The following NCAM1 variants were observed in gnomAD, a reference collection of about 807,000 sequenced individuals.
NCAM1 encodes neural cell adhesion molecule 1.
In NCAM1, 14 loss-of-function variants were observed where a neutral mutation model predicts 109.8. The observed-to-expected ratio is 0.13, with a 90% CI of 0.08 to 0.20. The LOEUF is 0.20. Ranked by LOEUF, NCAM1 falls within the 10% of genes least tolerant of loss-of-function variation. The probability of loss-of-function intolerance (pLI) is 1.00; values close to 1 mark genes in which losing one functional copy is unlikely to be tolerated. For missense variants in NCAM1, 774 were observed against 1,109.9 expected, an observed-to-expected ratio of 0.70 and a Z score of 4.30; for synonymous variants, 418 against 442.9, an observed-to-expected ratio of 0.94 and a Z score of 0.70.
At position 112,962,340 on chromosome 11, in the gene NCAM1, C is replaced by T. The variant is rs1555063486; in HGVS notation, c.52+676C>T. On this transcript the variant is annotated intron_variant, in intron 1 of 19. Transcript: ENST00000316851. This position sits in a 1 kb window ranked among gnomAD's most constrained non-coding sequence, Gnocchi z 5.6. ...GTTAGTTGCAAAGCCTACCCTCGGC[C>T]GCGAGCACTGAAGGATGGGAGGGTC... 6.6e-6 allele frequency among the ~76,000 whole-genome samples: 1 copy of T among 152,108 alleles called. No individual in the cohort carries two copies. The highest frequency in any genetic ancestry group is 3.2e-3 in the Middle Eastern group (1 of 316).
chr11:113,244,474 A>T (rs1945437270), intron 14 of NCAM1, among the ~76,000 whole-genome samples: 1 of 152,216 alleles, frequency 6.6e-6, no homozygotes, highest in African/African-American at 2.4e-5. Context: ...GATGCTCACA[A>T]TTGGGCAGCA....
chr11:113,185,068 T>TTATATTTATATATATATA (rs1555108652), intron 1 of NCAM1, among the ~76,000 whole-genome samples: 8 of 99,636 alleles, frequency 8.0e-5, no homozygotes, highest in African/African-American at 3.3e-4. Context: ...GCATTTATAT[T>TTATATTTATATATATATA]TATATATATA....
intron 17 of NCAM1, among the ~76,000 whole-genome samples, chr11:113,266,389 G>C (rs1430352674): frequency 6.6e-6 from 1 of 152,182 alleles, no homozygotes; most frequent in Non-Finnish European, 1.5e-5. Context: ...TTGGCATACA[G>C]TATGGTCGCT....
chr11:113,214,543 G>A (rs1218074909), intron 8 of NCAM1, 32 bp downstream of exon 8: 10 of 1,574,354 alleles, frequency 6.4e-6, no homozygotes, highest in Middle Eastern at 1.7e-4. Context: ...TCAGGGCCTT[G>A]GAATGCAGAC....
At chr11:113,019,289 A>G (rs559313219) in intron 1 of NCAM1, among the ~76,000 whole-genome samples, 1 of 152,192 alleles carries the variant, frequency 6.6e-6, no homozygotes, top group East Asian at 1.9e-4. Context: ...TAGTTCTAAC[A>G]TTTGCGTGAT....
intron 14 of NCAM1, among the ~76,000 whole-genome samples, chr11:113,236,470 G>A (rs782664602): frequency 1.3e-5 from 2 of 152,154 alleles, no homozygotes; most frequent in Non-Finnish European, 2.9e-5. Flanking sequence ...GTCTAGTTGT[G>A]CTGTTGTTAA....
chr11:113,233,344 T>C lies in NCAM1; in HGVS notation c.1693+27T>C, dbSNP rs782815040. On this transcript the variant is annotated intron_variant, in intron 13 of 19. Coordinates refer to ENST00000316851, the MANE Select transcript of NCAM1 (RefSeq NM_181351.5). The surrounding 1 kb of genome is among the most constrained non-coding windows in gnomAD (Gnocchi z 4.5). Reference sequence around the variant, plus strand: ...TGAGTTGGGCGAGTTGGTGTTTCCATTGGGATCATGAGTGCCTCAGTACTC... The same window carrying C: ...TGAGTTGGGCGAGTTGGTGTTTCCACTGGGATCATGAGTGCCTCAGTACTC... 10 of 1,602,862 alleles carry C rather than the reference T, an allele frequency of 6.2e-6. No individual in the cohort carries two copies. Among genetic ancestry groups the C allele is most frequent in the African/African-American group, 4.0e-5 (3 of 74,806 alleles).
intron 15 of NCAM1, among the ~76,000 whole-genome samples, chr11:113,247,105 G>A (rs1018230613): frequency 1.6e-4 from 24 of 152,310 alleles, no homozygotes; most frequent in African/African-American, 5.8e-4. Context: ...GCCTAATTAA[G>A]TGCATAGCGG....
chr11:113,200,522 A>G (rs1944018077), intron 1 of NCAM1, among the ~76,000 whole-genome samples: 1 of 152,206 alleles, frequency 6.6e-6, no homozygotes. Context: ...GCAGCATTGC[A>G]TCATGGAAAG....
At chr11:113,081,851 A>G (rs1938836140) in intron 1 of NCAM1, among the ~76,000 whole-genome samples, 1 of 152,214 alleles carries the variant, frequency 6.6e-6, no homozygotes, top group Non-Finnish European at 1.5e-5. Flanking sequence ...TTTCTTTTAA[A>G]GAAAATCTCA....
intron 1 of NCAM1, among the ~76,000 whole-genome samples, chr11:113,181,233 G>A (rs1210644358): frequency 1.3e-5 from 2 of 152,104 alleles, no homozygotes; most frequent in East Asian, 1.9e-4. Context: ...GCAGCCTCTC[G>A]GGCCCTGCCA....
In NCAM1 at chr11:113,262,930, T is replaced by C. The variant is rs782656051; in HGVS notation, c.2131+2607T>C. 14 of 1,613,418 alleles carry C rather than the reference T, an allele frequency of 8.7e-6. 1 individual carries two copies. The South Asian group carries it at 1.4e-4, about 16-fold the overall frequency. On this transcript the variant is annotated intron_variant, in intron 17 of 19. Coordinates refer to ENST00000316851, the MANE Select transcript of NCAM1 (RefSeq NM_181351.5). Reference sequence around the variant, plus strand: ...ACTCTTCTTTTGCTCTGTTAGGAACTTGAACACAAAAATTAAATTTGCTTA... The same window carrying C: ...ACTCTTCTTTTGCTCTGTTAGGAACCTGAACACAAAAATTAAATTTGCTTA...
intron 1 of NCAM1, among the ~76,000 whole-genome samples, chr11:113,159,469 A>G (rs1555103962): frequency 2.0e-5 from 3 of 152,160 alleles, no homozygotes; most frequent in African/African-American, 7.2e-5. Context: ...CTCCCTCAGA[A>G]CTGCCACTCT....
chr11:113,152,369 G>A (rs921156139), intron 1 of NCAM1, among the ~76,000 whole-genome samples: 9 of 152,198 alleles, frequency 5.9e-5, no homozygotes, highest in South Asian at 4.1e-4. Flanking sequence ...TTTAACAAGT[G>A]GCAACTACAA....
chr11:112,978,108 T>C (rs1181965769), intron 1 of NCAM1, among the ~76,000 whole-genome samples: 3 of 151,818 alleles, frequency 2.0e-5, no homozygotes, highest in African/African-American at 7.3e-5. Context: ...TGCAATAGTC[T>C]ATGTTCTTGT....
chr11:113,121,055 G>C (rs1017776777), intron 1 of NCAM1, among the ~76,000 whole-genome samples: 5 of 152,188 alleles, frequency 3.3e-5, no homozygotes, highest in East Asian at 1.9e-4. Flanking sequence ...AGCGATTGAA[G>C]GCAATTGTGT....
chr11:113,218,115 G>T (rs1555114650), intron 8 of NCAM1, among the ~76,000 whole-genome samples: 2 of 152,190 alleles, frequency 1.3e-5, no homozygotes, highest in Non-Finnish European at 2.9e-5. Context: ...TAAGCATAGA[G>T]CCCAAGAGCA....
At chr11:113,213,926 C>T (rs1352053103) in intron 7 of NCAM1, among the ~76,000 whole-genome samples, 1 of 152,246 alleles carries the variant, frequency 6.6e-6, no homozygotes, top group African/African-American at 2.4e-5. Context: ...CCTTCCTGTG[C>T]CTCATGCCAC....
intron 7 of NCAM1, among the ~76,000 whole-genome samples, chr11:113,212,371 T>A (rs562460407): frequency 6.6e-6 from 1 of 152,222 alleles, no homozygotes; most frequent in Non-Finnish European, 1.5e-5. Context: ...TTGCCTTTTT[T>A]CTAAGGAGTC....
Sources: gnomAD v4.1 joint callset for allele counts (sites outside exome capture counted in the v4.1 genomes callset) on GRCh38, gnomAD v4.1.1 for gene constraint, Gnocchi (gnomAD v3.1) non-coding constraint, MANE v1.5 for transcripts, NCBI Gene and HGNC (gene_info 2026-07-23, HGNC 2026-07-21) for gene names.